MUC5AC: variants seen among roughly 807,000 people sequenced by gnomAD.
MUC5AC encodes the protein mucin-5AC.
Under a neutral mutation model 169.7 loss-of-function variants are expected in MUC5AC, and 158 were observed. The observed-to-expected ratio is 0.93, with a 90% CI of 0.82 to 1.06. The LOEUF (loss-of-function observed/expected upper bound fraction) is 1.06. Ranked by LOEUF, MUC5AC falls within the 50% of genes least tolerant of loss-of-function variation. The pLI is 0.00. For missense variants in MUC5AC, 4,359 were observed against 3,089.9 expected, an observed-to-expected ratio of 1.41 and a Z score of -9.74; for synonymous variants, 1,975 against 1,237.0, an observed-to-expected ratio of 1.60 and a Z score of -12.52.
At position 1,195,861 on chromosome 11, in the gene MUC5AC, C is replaced by T; in HGVS notation, c.15459-15C>T. The T allele has an allele frequency of 2.6e-6, 2 of 761,222 alleles. No individual in the cohort carries two copies. The highest frequency in any genetic ancestry group is 4.8e-6 in the Non-Finnish European group (2 of 415,288). The allele number at this position is 761,222 out of a possible 1,614,324, so 47.2% of individuals were successfully genotyped here. A position where few individuals can be genotyped will look rare whatever the true frequency, so the allele number is the denominator to read the frequency against. ...GGAGAGGCTGCACCCAGCACCCTGC[C>T]CATCCCTCCCACAGGGTCTTTGAGC... On this transcript the variant is annotated splice_polypyrimidine_tract_variant and intron_variant, in intron 36 of 48. Coordinates refer to ENST00000621226, the MANE Select transcript of MUC5AC (RefSeq NM_001304359.2).
intron 33 of MUC5AC, 27 bp from the exon 34 acceptor site, chr11:1,194,083 C>T (rs372049474): frequency 2.0e-4 from 153 of 761,834 alleles, no homozygotes; most frequent in African/African-American, 1.6e-3. Flanking sequence ...CCGAGCCACC[C>T]GTAAGGCTGC....
At chr11:1,196,300 T>C in intron 37 of MUC5AC, 88 bp from the exon 38 acceptor site, 1 of 733,292 alleles carries the variant, frequency 1.4e-6, no homozygotes, top group Non-Finnish European at 2.5e-6. Context: ...TGCGGGCAGC[T>C]CCGGAGCAGA....
chr11:1,189,544 CCTCCACTCCACAGACCAGCACAAT>C lies in MUC5AC; in HGVS notation c.11403_11426del (p.Thr3802_Ser3809del). 1.7e-6 allele frequency: 1 copy of C among 599,978 alleles called. No individual in the cohort carries two copies. The highest frequency in any genetic ancestry group is 2.7e-5 in the East Asian group (1 of 36,594). 37.2% of individuals were successfully genotyped at this position (599,978 alleles called of 1,614,324 possible). A position where few individuals can be genotyped will look rare whatever the true frequency, so the allele number is the denominator to read the frequency against. Reference sequence around the variant, plus strand: ...ATCTCTGCCCCTACAACCAGCACAACCTCCACTCCACAGACCAGCACAATCTCTTCCCCTACAACCAGCACAACC... The same window carrying C: ...ATCTCTGCCCCTACAACCAGCACAACCTCTTCCCCTACAACCAGCACAACC... On this transcript the variant is annotated inframe_deletion, in exon 31 of 49. Transcript: ENST00000621226.
intron 1 of MUC5AC, among the ~76,000 whole-genome samples, chr11:1,159,362 G>A (rs1860054629): frequency 6.6e-6 from 1 of 150,464 alleles, no homozygotes; most frequent in African/African-American, 2.5e-5. Flanking sequence ...TGCTGTGCGG[G>A]GCTGTGCGGG....
At chr11:1,158,731 G>C (rs1162268222) in intron 1 of MUC5AC, among the ~76,000 whole-genome samples, 6 of 152,198 alleles carry the variant, frequency 3.9e-5, no homozygotes, top group Non-Finnish European at 5.9e-5. Flanking sequence ...GCCCCCATGG[G>C]GTAATGCCGG....
At chr11:1,176,766 C>T (rs1018272650) in intron 21 of MUC5AC, 101 bp downstream of exon 21, 35 of 398,376 alleles carry the variant, frequency 8.8e-5, no homozygotes, top group Admixed American at 1.3e-4. Flanking sequence ...CCCGGGAAAA[C>T]GCAGGGCACA....
At chr11:1,161,444 G>A in intron 2 of MUC5AC, 83 bp from the exon 3 acceptor site, 1 of 1,187,832 alleles carries the variant, frequency 8.4e-7, no homozygotes, top group South Asian at 1.7e-5. Flanking sequence ...GGGACCTGCT[G>A]ACTCTGGAAC....
At chr11:1,176,692 G>T (rs879206609) in intron 21 of MUC5AC, 27 bp downstream of exon 21, 72,709 of 398,572 alleles carry the variant, frequency 0.18, 7,626 homozygotes, top group African/African-American at 0.35. Flanking sequence ...AAGCCCATGG[G>T]GGGTGTCAGG....
At position 1,184,570 on chromosome 11, in the gene MUC5AC, C is replaced by T; in HGVS notation, c.6425C>T (p.Thr2142Ile). The part of the protein sequence containing the change: ...SPGPHGGDKE[T>I]YNNIIRSGEK... ...GGACCCCATGGTGGAGACAAGGAAA[C>T]CTACAACAACATCATCAGGAGTGGG... The change falls in exon 31 of 49, where the codon ACC becomes ATC. Residue 2142 changes from threonine to isoleucine, a missense_variant. Transcript: ENST00000621226. 3.2e-6 allele frequency: 2 copies of T among 633,252 alleles called. No homozygotes were observed. The highest frequency in any genetic ancestry group is 5.7e-6 in the Non-Finnish European group (2 of 351,398). 39.2% of individuals were successfully genotyped at this position (633,252 alleles called of 1,614,324 possible).
At chr11:1,161,638 T>A (rs548594169) in intron 3 of MUC5AC, 52 bp downstream of exon 3, 2 of 1,561,532 alleles carry the variant, frequency 1.3e-6, no homozygotes, top group African/African-American at 1.4e-5. Context: ...TTTGCTGAGC[T>A]CCCCGCTCAG....
intron 44 of MUC5AC, 42 bp downstream of exon 44, chr11:1,199,038 G>T (rs763513281): frequency 9.2e-6 from 7 of 762,928 alleles, no homozygotes; most frequent in African/African-American, 8.5e-5. Flanking sequence ...CTGGCTCTTG[G>T]GGGGCAGCGG....
intron 4 of MUC5AC, 117 bp downstream of exon 4, chr11:1,162,285 G>T: frequency 6.9e-7 from 1 of 1,451,258 alleles, no homozygotes; most frequent in Non-Finnish European, 9.2e-7. Context: ...GCCCCTGAGA[G>T]CAGAGCTGGA....
intron 30 of MUC5AC, 133 bp downstream of exon 30, chr11:1,181,592 AGGAGCAG>A: frequency 2.5e-6 from 1 of 397,656 alleles, no homozygotes; most frequent in Non-Finnish European, 4.4e-6. Flanking sequence ...GAAGGGATCG[AGGAGCAG>A]GGAGTCGGGC....
Position 1,175,031 on chromosome 11 carries a change from T to C in MUC5AC, c.2242T>C (p.Phe748Leu). The C allele has an allele frequency of 2.5e-6, 1 of 402,094 alleles. No homozygotes were observed. The highest frequency in any genetic ancestry group is 1.2e-4 in the South Asian group (1 of 8,500). 24.9% of individuals were successfully genotyped at this position (402,094 alleles called of 1,614,324 possible). A position where few individuals can be genotyped will look rare whatever the true frequency, so the allele number is the denominator to read the frequency against. Residue 748 changes from phenylalanine to leucine, a missense_variant, in exon 18 of 49, where the codon TTC becomes CTC. Coordinates refer to ENST00000621226, the MANE Select transcript of MUC5AC (RefSeq NM_001304359.2). ...VDGCICPKGT[F>L]LDDTGKCVQA... ...TGGCTGCATCTGTCCCAAGGGCACC[T>C]TCCTGGACGACACGGGCAAGTGTGT... is the stretch of plus-strand genomic sequence containing the variant.
chr11:1,164,945 T>A (rs1249821032), intron 9 of MUC5AC, among the ~76,000 whole-genome samples: 5 of 105,728 alleles, frequency 4.7e-5, no homozygotes, highest in Non-Finnish European at 1.8e-5. Flanking sequence ...TGAGGCTGGC[T>A]GATGCCCCTG....
chr11:1,176,292 G>T (rs911497019), intron 20 of MUC5AC, 41 bp downstream of exon 20: 20 of 398,594 alleles, frequency 5.0e-5, no homozygotes, highest in Non-Finnish European at 7.1e-5. Flanking sequence ...CCCTCCATCT[G>T]CCCCTGCCTG....
At chr11:1,171,163 A>T (rs1194419629) in intron 15 of MUC5AC, among the ~76,000 whole-genome samples, 1 of 144,430 alleles carries the variant, frequency 6.9e-6, no homozygotes, top group Admixed American at 6.9e-5. Context: ...CCACTCACTC[A>T]TCCATTCACC....
At position 1,175,762 on chromosome 11, in the gene MUC5AC, G is replaced by A. The variant is rs1485620265; in HGVS notation, c.2402-389G>A. Among the ~76,000 whole-genome samples the A allele has an allele frequency of 2.2e-4, 25 of 112,302 alleles. No individual in the cohort carries two copies. The South Asian group carries it at 8.0e-3, about 36-fold the overall frequency. The allele number at this position is 112,302 out of a possible 152,430, so 73.7% of individuals were successfully genotyped here. A position where few individuals can be genotyped will look rare whatever the true frequency, so the allele number is the denominator to read the frequency against. ...CACACCGTCATGCACCCACACTCAT[G>A]CACACGCTCACACACCCACATGCAC... On this transcript the variant is annotated intron_variant, in intron 19 of 48. Coordinates refer to ENST00000621226, the MANE Select transcript of MUC5AC (RefSeq NM_001304359.2).
At chr11:1,161,425 C>A in intron 2 of MUC5AC, 102 bp from the exon 3 acceptor site, 1 of 940,776 alleles carries the variant, frequency 1.1e-6, no homozygotes, top group Non-Finnish European at 1.5e-6. Flanking sequence ...GGCTTCGGAG[C>A]CAGGAGCTGG....
Sources: gnomAD v4.1 joint callset for allele counts (sites outside exome capture counted in the v4.1 genomes callset) on GRCh38, gnomAD v4.1.1 for gene constraint, MANE v1.5 for transcripts, NCBI Gene and HGNC (gene_info 2026-07-23, HGNC 2026-07-21) for gene names.